PLCE1: variants seen among roughly 807,000 people sequenced by gnomAD.
The protein encoded by PLCE1 is phospholipase C epsilon 1, also known as 1-phosphatidylinositol 4,5-bisphosphate phosphodiesterase epsilon-1.
A neutral mutation model predicts 242.8 loss-of-function variants in PLCE1; 119 were observed. The observed-to-expected ratio is 0.49, with a 90% confidence interval of 0.42 to 0.57. The LOEUF is 0.57. PLCE1 is among the 20% of genes least tolerant of loss of function. The pLI is 0.00. For synonymous variants in PLCE1, 945 were observed against 1,017.4 expected, an observed-to-expected ratio of 0.93 and a Z score of 1.35; for missense variants, 2,441 against 2,788.8, an observed-to-expected ratio of 0.88 and a Z score of 2.81.
intron 1 of PLCE1, among the ~76,000 whole-genome samples, chr10:94,014,341 A>G (rs936049294): frequency 2.6e-5 from 4 of 151,880 alleles, no homozygotes; most frequent in Non-Finnish European, 4.4e-5. Flanking sequence ...GAGTGGCTCA[A>G]GCCTGTAATC....
At chr10:94,019,942 G>T (rs368600460) in intron 1 of PLCE1, among the ~76,000 whole-genome samples, 31 of 152,234 alleles carry the variant, frequency 2.0e-4, no homozygotes, top group African/African-American at 6.7e-4. Context: ...TTTTCAGTTG[G>T]GGGCTATTGT....
At chr10:94,138,365 G>T in intron 3 of PLCE1, 1 of 395,036 alleles carries the variant, frequency 2.5e-6, no homozygotes, top group South Asian at 2.2e-5. Context: ...TAAATGAGGA[G>T]AGTACTTCCC....
chr10:94,163,887 A>AT (rs1427023721), intron 3 of PLCE1, among the ~76,000 whole-genome samples: 2 of 151,976 alleles, frequency 1.3e-5, no homozygotes, highest in African/African-American at 4.8e-5. Flanking sequence ...GCTTATCTGT[A>AT]TTTTATTTCT....
chr10:94,216,034 T>A (rs914438735), intron 4 of PLCE1, among the ~76,000 whole-genome samples: 2 of 152,228 alleles, frequency 1.3e-5, no homozygotes, highest in Non-Finnish European at 2.9e-5. Flanking sequence ...TGGGTTGGAA[T>A]CCCACCTTCA....
chr10:94,254,376 G>C, intron 10 of PLCE1, 69 bp downstream of exon 10: 1 of 1,058,416 alleles, frequency 9.4e-7, no homozygotes, highest in Middle Eastern at 2.0e-4. Flanking sequence ...TATACATTTG[G>C]TTTTAAATTG....
intron 3 of PLCE1, among the ~76,000 whole-genome samples, chr10:94,152,466 A>G (rs1165981095): frequency 1.3e-5 from 2 of 152,242 alleles, no homozygotes. Context: ...ATGAACAATT[A>G]TGAGTTCCCT....
intron 3 of PLCE1, among the ~76,000 whole-genome samples, chr10:94,143,105 GACATCTGAGGTTTCT>G (rs2047019664): frequency 6.6e-6 from 1 of 152,194 alleles, no homozygotes; most frequent in African/African-American, 2.4e-5. Flanking sequence ...CATCTTCATT[GACATCTGAGGTTTCT>G]ACAACCATTT....
At chr10:94,162,470 G>C (rs1289518689) in intron 3 of PLCE1, among the ~76,000 whole-genome samples, 1 of 152,118 alleles carries the variant, frequency 6.6e-6, no homozygotes, top group East Asian at 1.9e-4. Flanking sequence ...TTCTCTGATG[G>C]TAGTTTGTAT....
chr10:94,137,790 A>G, intron 3 of PLCE1: 1 of 208,750 alleles, frequency 4.8e-6, no homozygotes, highest in South Asian at 8.4e-5. Flanking sequence ...GTCTGTTACT[A>G]CCATGATGAG....
At chr10:94,007,001 C>A (rs1402751904) in intron 1 of PLCE1, among the ~76,000 whole-genome samples, 1 of 152,090 alleles carries the variant, frequency 6.6e-6, no homozygotes, top group Non-Finnish European at 1.5e-5. Context: ...TGGGAAGAAC[C>A]TTTTAGAAAA....
chr10:94,162,994 A>G (rs1590158918), intron 3 of PLCE1, among the ~76,000 whole-genome samples: 1 of 152,110 alleles, frequency 6.6e-6, no homozygotes, highest in Non-Finnish European at 1.5e-5. Context: ...CCTGAGTTCT[A>G]GTTTGATTGC....
intron 2 of PLCE1, among the ~76,000 whole-genome samples, chr10:94,083,692 C>T (rs1014578655): frequency 6.6e-6 from 1 of 152,178 alleles, no homozygotes; most frequent in Non-Finnish European, 1.5e-5. Flanking sequence ...TGATGTTGTG[C>T]TCAGTATGCC....
intron 2 of PLCE1, among the ~76,000 whole-genome samples, chr10:94,084,215 T>G (rs749541227): frequency 6.6e-6 from 1 of 152,210 alleles, no homozygotes; most frequent in Admixed American, 6.5e-5. Flanking sequence ...GTCTGGACTT[T>G]GAAAATTTAA....
chr10:94,146,516 C>T (rs2047119080), intron 3 of PLCE1, among the ~76,000 whole-genome samples: 1 of 152,180 alleles, frequency 6.6e-6, no homozygotes, highest in South Asian at 2.1e-4. Flanking sequence ...GGAGCAAGGC[C>T]TTCTCCAGGC....
intron 2 of PLCE1, among the ~76,000 whole-genome samples, chr10:94,115,211 A>G (rs2135699988): frequency 1.3e-5 from 2 of 152,328 alleles, no homozygotes; most frequent in East Asian, 3.9e-4. Flanking sequence ...TATTGTGAAT[A>G]GTGCGGCAAT....
At chr10:94,196,347 T>C (rs867053171) in intron 4 of PLCE1, among the ~76,000 whole-genome samples, 1 of 152,226 alleles carries the variant, frequency 6.6e-6, no homozygotes, top group East Asian at 1.9e-4. Flanking sequence ...GATAATGATT[T>C]CTTGTCTGAT....
At chr10:94,310,091 A>T (rs180749792) in intron 27 of PLCE1, among the ~76,000 whole-genome samples, 143 of 152,336 alleles carry the variant, frequency 9.4e-4, no homozygotes, top group Non-Finnish European at 1.3e-4. Context: ...TCCTCTTTAA[A>T]CATACATTTT....
At chr10:94,073,749 G>T (rs1247208437) in intron 2 of PLCE1, among the ~76,000 whole-genome samples, 1 of 152,134 alleles carries the variant, frequency 6.6e-6, no homozygotes, top group African/African-American at 2.4e-5. Flanking sequence ...TTTGGTTTAG[G>T]TCCTACTGCT....
intron 17 of PLCE1, among the ~76,000 whole-genome samples, chr10:94,269,374 G>A (rs1352785566): frequency 6.6e-6 from 1 of 151,874 alleles, no homozygotes; most frequent in Non-Finnish European, 1.5e-5. Context: ...AAAGTACCGG[G>A]ATTACAGACG....
Sources: gnomAD v4.1 joint callset for allele counts (sites outside exome capture counted in the v4.1 genomes callset) on GRCh38, gnomAD v4.1.1 for gene constraint, MANE v1.5 for transcripts, NCBI Gene and HGNC (gene_info 2026-07-23, HGNC 2026-07-21) for gene names.